Variants in UBE2V1 observed in about 807,000 individuals in gnomAD.
UBE2V1 encodes ubiquitin-conjugating enzyme E2 variant 1.
A neutral mutation model predicts 19.6 loss-of-function variants in UBE2V1; 15 were observed. The ratio of observed to expected loss-of-function variants is 0.77; its 90% confidence interval spans 0.51 to 1.18. UBE2V1 has a LOEUF of 1.18. Ranked by LOEUF, UBE2V1 falls within the 50% of genes most tolerant of loss-of-function variation. The pLI, the probability that UBE2V1 is intolerant of heterozygous loss-of-function variation, is 0.00. For missense variants in UBE2V1, 125 were observed against 184.8 expected, an observed-to-expected ratio of 0.68 and a Z score of 1.88; for synonymous variants, 60 against 60.7, an observed-to-expected ratio of 0.99 and a Z score of 0.05.
chr20:50,085,553 G>T (rs1269216828), intron 2 of UBE2V1, among the ~76,000 whole-genome samples: 1 of 151,850 alleles, frequency 6.6e-6, no homozygotes, highest in Non-Finnish European at 1.5e-5. Flanking sequence ...TGCCTTCTCC[G>T]GCATCAGTAC....
chr20:50,107,594 C>T lies in UBE2V1; in HGVS notation c.22+5513G>A, dbSNP rs192083659. Among the ~76,000 whole-genome samples, 394 of 152,314 alleles carry T rather than the reference C, an allele frequency of 2.6e-3. 5 individuals are homozygous for T. In the Middle Eastern group the frequency reaches 0.041, roughly 16 times the overall value. On this transcript the variant is annotated intron_variant, in intron 1 of 3. Coordinates refer to ENST00000371674, the MANE Select transcript of UBE2V1 (RefSeq NM_001032288.3). The stretch of plus-strand genomic sequence containing the variant: ...TACCACCAAATAAGGATAAGAGTTT[C>T]AGTTTTTTGAAAGGCTGAATAGCCA...
At chr20:50,105,675 G>A (rs778038266) in intron 1 of UBE2V1, among the ~76,000 whole-genome samples, 4 of 152,182 alleles carry the variant, frequency 2.6e-5, no homozygotes, top group South Asian at 2.1e-4. Context: ...CAGGCCAGGC[G>A]CAGTGGCTCA....
In UBE2V1 at chr20:50,092,078, T is replaced by G. The variant is rs1205060029; in HGVS notation, c.171+4594A>C. On this transcript the variant is annotated intron_variant, in intron 2 of 3. Transcript: ENST00000371674. ...GGCTCATGCCTGTAATCCCAGCACT[T>G]TGAGAGACCAAGGTGGGCGGATCAC... Among the ~76,000 whole-genome samples the G allele has an allele frequency of 6.6e-5, 10 of 151,440 alleles. No homozygotes were observed. The East Asian group carries it at 2.0e-3, about 30-fold the overall frequency.
chr20:50,107,069 A>T (rs968075020), intron 1 of UBE2V1, among the ~76,000 whole-genome samples: 1 of 152,206 alleles, frequency 6.6e-6, no homozygotes, highest in Non-Finnish European at 1.5e-5. Context: ...AAAACTGGAC[A>T]TAGAGCCATA....
At position 50,094,036 on chromosome 20, in the gene UBE2V1, T is replaced by A. The variant is rs1277300502; in HGVS notation, c.171+2636A>T. ...AATAATAATAATAATAATAATAAAA[T>A]ATATATATATAAAATATATTATGTA... On this transcript the variant is annotated intron_variant, in intron 2 of 3. Coordinates refer to ENST00000371674, the MANE Select transcript of UBE2V1 (RefSeq NM_001032288.3). 2.1e-3 allele frequency among the ~76,000 whole-genome samples: 134 copies of A among 65,106 alleles called. 1 individual carries two copies. Among genetic ancestry groups the A allele is most frequent in the African/African-American group, 9.8e-3 (123 of 12,510 alleles). The allele number at this position is 65,106 out of a possible 152,430, so 42.7% of individuals were successfully genotyped here.
intron 2 of UBE2V1, among the ~76,000 whole-genome samples, chr20:50,085,354 C>A (rs1164702912): frequency 1.3e-5 from 2 of 152,170 alleles, no homozygotes; most frequent in Non-Finnish European, 2.9e-5. Context: ...CTGCCCCCAC[C>A]TGAAATGCCT....
In UBE2V1 at chr20:50,112,422, C is replaced by A. The variant is rs552342046; in HGVS notation, c.22+685G>T. The stretch of plus-strand genomic sequence containing the variant: ...TGATGGGGTCATTTCACTATCACCG[C>A]TATTAGGTCCCTCTGGCATCTGAAT... On this transcript the variant is annotated intron_variant, in intron 1 of 3. Coordinates refer to ENST00000371674, the MANE Select transcript of UBE2V1 (RefSeq NM_001032288.3). Among the ~76,000 whole-genome samples the A allele has an allele frequency of 5.9e-5, 9 of 152,322 alleles. No individual in the cohort carries two copies. The South Asian group carries it at 1.9e-3, about 32-fold the overall frequency.
chr20:50,098,295 A>T (rs1278476189), intron 1 of UBE2V1, among the ~76,000 whole-genome samples: 1 of 152,184 alleles, frequency 6.6e-6, no homozygotes, highest in Non-Finnish European at 1.5e-5. Context: ...ATTTAGCTCA[A>T]ACCAAGTGAG....
chr20:50,088,100 TA>T (rs11302479), intron 2 of UBE2V1, among the ~76,000 whole-genome samples: 56,462 of 109,114 alleles, frequency 0.52, 13,626 homozygotes, highest in African/African-American at 0.66. Flanking sequence ...GTCTAATCAT[TA>T]AAAAAAAAAA....
rs117793398 is a variant in UBE2V1 at position 50,090,387 on chromosome 20, T to C, written c.172-6133A>G. 6.3e-3 allele frequency among the ~76,000 whole-genome samples: 961 copies of C among 151,940 alleles called. 5 individuals are homozygous for C. Among genetic ancestry groups the C allele is most frequent in the Non-Finnish European group, 0.01 (710 of 67,968 alleles). ...ATAAGAAATCCTGCCAGTCGGAGAA[T>C]TGCTTGAACCTGGGAGGCGGGGGCT... On this transcript the variant is annotated intron_variant, in intron 2 of 3. Transcript: ENST00000371674.
intron 1 of UBE2V1, among the ~76,000 whole-genome samples, chr20:50,107,437 GC>G (rs1482840849): frequency 6.6e-6 from 1 of 152,228 alleles, no homozygotes; most frequent in Non-Finnish European, 1.5e-5. Flanking sequence ...CCTGTGTTCT[GC>G]TGCTAGGGTC....
chr20:50,098,992 G>C, intron 1 of UBE2V1: 1 of 985,092 alleles, frequency 1.0e-6, no homozygotes, highest in Non-Finnish European at 1.2e-6. Context: ...CTGAAAGATA[G>C]TGGTGACATT....
At chr20:50,105,985 A>C (rs1205494016) in intron 1 of UBE2V1, among the ~76,000 whole-genome samples, 1 of 152,176 alleles carries the variant, frequency 6.6e-6, no homozygotes, top group African/African-American at 2.4e-5. Context: ...GACTCTTATA[A>C]TCTTGCAAAA....
At chr20:50,099,648 C>T (rs993344081) in intron 1 of UBE2V1, among the ~76,000 whole-genome samples, 4 of 152,152 alleles carry the variant, frequency 2.6e-5, no homozygotes, top group Non-Finnish European at 5.9e-5. Context: ...AGGCTCCTTC[C>T]CCTAGGAATC....
chr20:50,113,786 C>A (rs943920769), upstream of UBE2V1, among the ~76,000 whole-genome samples: 8 of 114,742 alleles, frequency 7.0e-5, no homozygotes, highest in South Asian at 2.5e-4. Context: ...TTCATTCATT[C>A]ATTCATTCGT....
rs2146932080 is a variant in UBE2V1, at chr20:50,081,867, C to G, written c.*901G>C. The stretch of plus-strand genomic sequence containing the variant: ...AAAACAATGCATCAGCTGATGACAG[C>G]AGAGGGTGGCAGGGCTGAGGACCCA... On this transcript the variant is annotated 3_prime_UTR_variant, in exon 4 of 4. Transcript: ENST00000371674. 1 of 263,706 alleles carries G rather than the reference C, an allele frequency of 3.8e-6. No individual in the cohort carries two copies. Among genetic ancestry groups the G allele is most frequent in the South Asian group, 1.5e-4 (1 of 6,716 alleles). The allele number at this position is 263,706 out of a possible 1,614,324, so 16.3% of individuals were successfully genotyped here. A position where few individuals can be genotyped will look rare whatever the true frequency, so the allele number is the denominator to read the frequency against.
At chr20:50,086,254 T>G (rs1172796068) in intron 2 of UBE2V1, among the ~76,000 whole-genome samples, 1 of 152,094 alleles carries the variant, frequency 6.6e-6, no homozygotes, top group Non-Finnish European at 1.5e-5. Context: ...CTGCTTCCCC[T>G]TGGAAGTGTT....
At chr20:50,083,485 CTT>C (rs1257183178) in intron 3 of UBE2V1, among the ~76,000 whole-genome samples, 1 of 152,232 alleles carries the variant, frequency 6.6e-6, no homozygotes, top group Non-Finnish European at 1.5e-5. Context: ...AAGCTCATCT[CTT>C]TTCAATTTTC....
At chr20:50,109,287 T>G (rs979467183) in intron 1 of UBE2V1, among the ~76,000 whole-genome samples, 25 of 152,216 alleles carry the variant, frequency 1.6e-4, no homozygotes, top group African/African-American at 6.0e-4. Context: ...CTTCATATTT[T>G]GTATTCTACT....
Sources: allele counts gnomAD v4.1 joint callset (sites outside exome capture counted in the v4.1 genomes callset), GRCh38; gene constraint gnomAD v4.1.1; transcripts MANE v1.5; gene names NCBI Gene and HGNC (gene_info 2026-07-23, HGNC 2026-07-21).